LCP2: variants seen among roughly 807,000 people sequenced by gnomAD.
LCP2 encodes the protein lymphocyte cytosolic protein 2.
A neutral mutation model predicts 74.5 loss-of-function variants in LCP2; 29 were observed. The ratio of observed to expected loss-of-function variants is 0.39; its 90% CI spans 0.29 to 0.53. LCP2 has a LOEUF of 0.53. Among genes scored for constraint, LCP2 ranks in the 20% least tolerant of loss-of-function variants. The pLI, the probability that LCP2 is intolerant of heterozygous loss-of-function variation, is 0.72. For missense variants in LCP2, 604 were observed against 634.6 expected (o/e 0.95, Z 0.52); for synonymous variants, 228 against 229.5 (o/e 0.99, Z 0.06).
chr5:170,294,466 C>G (rs185392143), intron 1 of LCP2, among the ~76,000 whole-genome samples: 1 of 152,210 alleles, frequency 6.6e-6, no homozygotes, highest in Non-Finnish European at 1.5e-5. Context: ...TGAAGTATCT[C>G]TCAACTTGCT....
chr5:170,252,433 C>T lies in LCP2; in HGVS notation c.1323+1G>A, dbSNP rs769110942. On this transcript the variant is annotated splice_donor_variant, in intron 19 of 20. Transcript: ENST00000046794. LOFTEE classifies it high-confidence loss of function. Reference sequence around the variant, plus strand: ...TGTTAAAATAAACTATAGCACAATACCTGGTTTATCTTTCTAAGAGCAGCT... The same window carrying T: ...TGTTAAAATAAACTATAGCACAATATCTGGTTTATCTTTCTAAGAGCAGCT... 1 of 1,530,978 alleles carries T rather than the reference C, an allele frequency of 6.5e-7. No individual in the cohort carries two copies. The highest frequency in any genetic ancestry group is 9.0e-7 in the Non-Finnish European group (1 of 1,110,276). 94.8% of individuals were successfully genotyped at this position (1,530,978 alleles called of 1,614,324 possible).
intron 2 of LCP2, among the ~76,000 whole-genome samples, chr5:170,292,467 C>T (rs1201278275): frequency 1.3e-5 from 2 of 152,180 alleles, no homozygotes; most frequent in Non-Finnish European, 2.9e-5. Flanking sequence ...CTTGTGATCT[C>T]TCTGGTCTCA....
At chr5:170,276,616 G>A (rs1262242058) in intron 3 of LCP2, among the ~76,000 whole-genome samples, 4 of 152,130 alleles carry the variant, frequency 2.6e-5, no homozygotes, top group Admixed American at 2.6e-4. Context: ...TGGGGGAGCT[G>A]GGGCAGGAGG....
At chr5:170,263,267 T>TA (rs1761695625) in intron 10 of LCP2, among the ~76,000 whole-genome samples, 2 of 152,372 alleles carry the variant, frequency 1.3e-5, no homozygotes, top group South Asian at 2.1e-4. Context: ...TTTTTTTAAA[T>TA]AAAATCACAT....
chr5:170,250,931 AT>A, intron 19 of LCP2, 46 bp from the exon 20 acceptor site: 1 of 1,551,410 alleles, frequency 6.4e-7, no homozygotes, highest in Non-Finnish European at 8.8e-7. Context: ...AAAAGTCAAT[AT>A]TTTTGTTGCT....
intron 19 of LCP2, 149 bp from the exon 20 acceptor site, chr5:170,251,034 C>T (rs1761426661): frequency 3.3e-6 from 2 of 606,992 alleles, no homozygotes; most frequent in African/African-American, 1.9e-5. Flanking sequence ...ATTCAACGAA[C>T]ATTCAGTTCT....
At chr5:170,292,195 G>A (rs1762305421) in intron 2 of LCP2, among the ~76,000 whole-genome samples, 1 of 152,188 alleles carries the variant, frequency 6.6e-6, no homozygotes, top group Non-Finnish European at 1.5e-5. Flanking sequence ...TCGGGAAACT[G>A]CTTGTCAAGT....
At chr5:170,259,260 C>T (rs1761613171) in intron 14 of LCP2, among the ~76,000 whole-genome samples, 1 of 152,172 alleles carries the variant, frequency 6.6e-6, no homozygotes, top group Non-Finnish European at 1.5e-5. Flanking sequence ...CCTCATTTTA[C>T]AAAAGCATGA....
intron 1 of LCP2, among the ~76,000 whole-genome samples, chr5:170,293,970 G>A (rs1762330849): frequency 2.0e-5 from 3 of 152,134 alleles, no homozygotes; most frequent in Admixed American, 6.5e-5. Flanking sequence ...AATAAAAACG[G>A]CGAACAATTA....
chr5:170,268,880 C>CATGCACACACATGCCTATAT (rs1761830913), intron 7 of LCP2, among the ~76,000 whole-genome samples: 1 of 55,844 alleles, frequency 1.8e-5, no homozygotes, highest in African/African-American at 4.6e-5. Context: ...TGCACACATG[C>CATGCACACACATGCCTATAT]ATGCACACAC....
At chr5:170,258,563 T>C (rs1258534805) in intron 15 of LCP2, 2 of 367,708 alleles carry the variant, frequency 5.4e-6, no homozygotes, top group Non-Finnish European at 9.8e-6. Context: ...TTTACCCACG[T>C]GTGTTAGAAG....
chr5:170,287,308 G>T (rs146475211), intron 3 of LCP2, among the ~76,000 whole-genome samples: 1 of 152,096 alleles, frequency 6.6e-6, no homozygotes, highest in Non-Finnish European at 1.5e-5. Context: ...ACAAAACAAC[G>T]GGGCTTTGTG....
At position 170,256,356 on chromosome 5, in the gene LCP2, C is replaced by A. The variant is rs965696878; in HGVS notation, c.1150+170G>T. 1.3e-5 allele frequency among the ~76,000 whole-genome samples: 2 copies of A among 152,120 alleles called. No individual in the cohort carries two copies. The highest frequency in any genetic ancestry group is 4.8e-5 in the African/African-American group (2 of 41,418). ...TGTTGTGTTTTAGGTACTATCCTAT[C>A]ATTCCGACAGCCCTTGGCACACTGC... On this transcript the variant is annotated intron_variant, in intron 17 of 20. Coordinates refer to ENST00000046794, the MANE Select transcript of LCP2 (RefSeq NM_005565.5). The surrounding 1 kb of genome is among the most constrained non-coding windows in gnomAD (Gnocchi z 4.5).
At chr5:170,274,456 C>G (rs1232138413) in intron 5 of LCP2, 118 bp from the exon 6 acceptor site, 6 of 1,026,776 alleles carry the variant, frequency 5.8e-6, no homozygotes. Context: ...CTGGCCTCCA[C>G]CTACCTCCCA....
chr5:170,258,320 C>G, intron 15 of LCP2, 154 bp from the exon 16 acceptor site: 1 of 722,004 alleles, frequency 1.4e-6, no homozygotes, highest in South Asian at 2.0e-5. Context: ...AGGATGGAAC[C>G]TTGCTCCCAG....
rs756670091 is a variant in LCP2 at position 170,275,301 on chromosome 5, T to G, written c.286+19A>C. On this transcript the variant is annotated intron_variant, in intron 5 of 20. Coordinates refer to ENST00000046794, the MANE Select transcript of LCP2 (RefSeq NM_005565.5). ...TATCACCTCCTAAAGCAATCACCTC[T>G]GAGCCCTGAGAGCTTTACCTGTCTC... 3.7e-6 allele frequency: 6 copies of G among 1,613,932 alleles called. No homozygotes were observed. The highest frequency in any genetic ancestry group is 5.1e-6 in the Non-Finnish European group (6 of 1,179,782).
In LCP2 at chr5:170,252,452, A is replaced by G. The variant is rs948399083; in HGVS notation, c.1305T>C (p.Ala435=). The G allele has an allele frequency of 1.3e-6, 2 of 1,576,646 alleles. No individual in the cohort carries two copies. Among genetic ancestry groups the G allele is most frequent in the East Asian group, 2.2e-5 (1 of 44,604 alleles). Reference sequence around the variant, plus strand: ...ACAATACCTGGTTTATCTTTCTAAGAGCAGCTTCTGCCTCTGGTCGGGTAA... The same window carrying G: ...ACAATACCTGGTTTATCTTTCTAAGGGCAGCTTCTGCCTCTGGTCGGGTAA... ...SYITRPEAEA[A]LRKINQDGTF... is the part of the protein sequence containing the mutation. The change falls in exon 19 of 21, where the codon GCT becomes GCC. Residue 435 remains alanine, a synonymous_variant. Coordinates refer to ENST00000046794, the MANE Select transcript of LCP2 (RefSeq NM_005565.5).
In LCP2 at chr5:170,289,120, C is replaced by T. The variant is rs1762233781; in HGVS notation, c.142-1104G>A. Among the ~76,000 whole-genome samples the T allele has an allele frequency of 2.6e-5, 4 of 152,156 alleles. No homozygotes were observed. The South Asian group carries it at 8.3e-4, about 32-fold the overall frequency. ...ACTTTGCCTCTCTGAGCCTCAGTTT[C>T]CTTATCTGTAAAATGGGGACCATAA... On this transcript the variant is annotated intron_variant, in intron 2 of 20. Transcript: ENST00000046794.
At chr5:170,296,408 C>T (rs1191983225) in intron 1 of LCP2, among the ~76,000 whole-genome samples, 1 of 152,148 alleles carries the variant, frequency 6.6e-6, no homozygotes, top group Non-Finnish European at 1.5e-5. Flanking sequence ...ACTATAAATG[C>T]CTCGGAAATG....
Sources: allele counts gnomAD v4.1 joint callset (sites outside exome capture counted in the v4.1 genomes callset), GRCh38; gene constraint gnomAD v4.1.1; non-coding constraint Gnocchi (gnomAD v3.1); transcripts MANE v1.5; gene names NCBI Gene and HGNC (gene_info 2026-07-23, HGNC 2026-07-21).